MTHFD1L: variants seen among roughly 807,000 people sequenced by gnomAD.
The protein encoded by MTHFD1L is monofunctional C1-tetrahydrofolate synthase, mitochondrial.
Under a neutral mutation model 119.5 loss-of-function variants are expected in MTHFD1L, and 81 were observed. The observed-to-expected ratio is 0.68, with a 90% CI of 0.57 to 0.82. The LOEUF is 0.82. Ranked by LOEUF, MTHFD1L falls within the 40% of genes least tolerant of loss-of-function variation. MTHFD1L has a pLI of 0.00. For missense variants in MTHFD1L, 1,125 were observed against 1,253.4 expected (o/e 0.90, Z 1.55); for synonymous variants, 430 against 475.2 (o/e 0.90, Z 1.24).
In MTHFD1L at chr6:150,984,702, A is replaced by G. The variant is rs189692641; in HGVS notation, c.2125+12644A>G. Among the ~76,000 whole-genome samples, 270 of 152,350 alleles carry G rather than the reference A, an allele frequency of 1.8e-3. 1 individual carries two copies. The highest frequency in any genetic ancestry group is 6.3e-3 in the African/African-American group (263 of 41,576). The stretch of plus-strand genomic sequence containing the variant: ...TCTGTATAAGTAAAATATTTCATAA[A>G]ATTAAAAATGTTTTATAAAATTAGG... On this transcript the variant is annotated intron_variant, in intron 20 of 27. Coordinates refer to ENST00000367321, the MANE Select transcript of MTHFD1L (RefSeq NM_015440.5).
intron 4 of MTHFD1L, among the ~76,000 whole-genome samples, chr6:150,878,302 A>G (rs1780811968): frequency 1.3e-5 from 2 of 150,796 alleles, no homozygotes; most frequent in Non-Finnish European, 2.9e-5. Flanking sequence ...CCCAGGCTGG[A>G]GTGCAATGGT....
At chr6:151,025,840 A>G (rs1220933399) in intron 24 of MTHFD1L, among the ~76,000 whole-genome samples, 1 of 152,198 alleles carries the variant, frequency 6.6e-6, no homozygotes, top group Non-Finnish European at 1.5e-5. Context: ...ATGCTAGGGT[A>G]TTGAGAGTGG....
At chr6:150,996,348 C>T (rs492354) in intron 20 of MTHFD1L, among the ~76,000 whole-genome samples, 86,321 of 151,764 alleles carry the variant, frequency 0.57, 25,759 homozygotes, top group African/African-American at 0.75. Context: ...GTCATCTTTC[C>T]TTTTTTTGCA....
intron 8 of MTHFD1L, among the ~76,000 whole-genome samples, chr6:150,910,028 A>G (rs1460309445): frequency 1.3e-5 from 2 of 151,912 alleles, no homozygotes; most frequent in East Asian, 1.9e-4. Context: ...TAAAAATACA[A>G]AAGTTAGCCG....
intron 7 of MTHFD1L, among the ~76,000 whole-genome samples, chr6:150,890,008 T>C (rs1053196385): frequency 2.6e-5 from 4 of 151,936 alleles, no homozygotes; most frequent in Non-Finnish European, 5.9e-5. Context: ...AATATAAAAT[T>C]AGCTGGATGT....
At chr6:150,949,991 T>C (rs182999166) in intron 16 of MTHFD1L, among the ~76,000 whole-genome samples, 28 of 152,340 alleles carry the variant, frequency 1.8e-4, no homozygotes, top group African/African-American at 6.3e-4. Context: ...ATTATTCTTC[T>C]CATACTTGTG....
intron 26 of MTHFD1L, among the ~76,000 whole-genome samples, chr6:151,071,788 T>A (rs1193798716): frequency 3.3e-5 from 5 of 151,582 alleles, no homozygotes; most frequent in Non-Finnish European, 7.4e-5. Context: ...TTTCTACAGA[T>A]AACTTTCTTT....
At chr6:150,938,087 G>A (rs539310207) in intron 12 of MTHFD1L, among the ~76,000 whole-genome samples, 29 of 152,100 alleles carry the variant, frequency 1.9e-4, no homozygotes, top group Admixed American at 1.6e-3. Flanking sequence ...GTGCAATCTC[G>A]GCTCACTCCA....
At chr6:150,989,197 A>G (rs1192468183) in intron 20 of MTHFD1L, among the ~76,000 whole-genome samples, 1 of 152,242 alleles carries the variant, frequency 6.6e-6, no homozygotes, top group Non-Finnish European at 1.5e-5. Flanking sequence ...CTAGATCAAA[A>G]TAAAGCAGAG....
intron 1 of MTHFD1L, among the ~76,000 whole-genome samples, chr6:150,870,576 CT>C (rs1779231759): frequency 6.6e-6 from 1 of 152,036 alleles, no homozygotes; most frequent in South Asian, 2.1e-4. Flanking sequence ...TTAGACAATA[CT>C]GTAGCCTATT....
At chr6:150,961,679 G>A (rs746146076) in intron 18 of MTHFD1L, among the ~76,000 whole-genome samples, 1 of 152,154 alleles carries the variant, frequency 6.6e-6, no homozygotes, top group East Asian at 1.9e-4. Context: ...TTTTTCAGCT[G>A]CTTTTGAAGA....
At chr6:150,972,633 A>C (rs1467907361) in intron 20 of MTHFD1L, among the ~76,000 whole-genome samples, 1 of 152,230 alleles carries the variant, frequency 6.6e-6, no homozygotes, top group African/African-American at 2.4e-5. Flanking sequence ...AAATTAAAAC[A>C]ACCAGCCTTA....
chr6:150,944,192 G>A (rs187152442), intron 13 of MTHFD1L, among the ~76,000 whole-genome samples: 20 of 152,234 alleles, frequency 1.3e-4, no homozygotes, highest in Admixed American at 2.6e-4. Flanking sequence ...TTCCATAGTT[G>A]TTTAAAACAA....
chr6:150,970,978 T>C (rs1797927604), intron 19 of MTHFD1L, among the ~76,000 whole-genome samples: 1 of 152,214 alleles, frequency 6.6e-6, no homozygotes, highest in African/African-American at 2.4e-5. Flanking sequence ...ATAAAGAAGT[T>C]GGCTGCTTCG....
At chr6:151,071,837 ATTTTTT>A (rs753092094) in intron 26 of MTHFD1L, among the ~76,000 whole-genome samples, 16 of 107,510 alleles carry the variant, frequency 1.5e-4, no homozygotes, top group East Asian at 1.4e-3. Flanking sequence ...GTAAGTACAG[ATTTTTT>A]TTTTTTTTTT....
At chr6:150,937,499 GT>G (rs1037413892) in intron 12 of MTHFD1L, among the ~76,000 whole-genome samples, 39 of 152,262 alleles carry the variant, frequency 2.6e-4, no homozygotes, top group Admixed American at 1.3e-3. Flanking sequence ...TACAGTGGTG[GT>G]TATTGCTGCA....
chr6:150,948,802 A>T (rs74558879), intron 15 of MTHFD1L, among the ~76,000 whole-genome samples: 1 of 136,420 alleles, frequency 7.3e-6, no homozygotes, highest in Non-Finnish European at 1.6e-5. Context: ...CACCATGCCC[A>T]GCTAATTTTT....
intron 7 of MTHFD1L, among the ~76,000 whole-genome samples, chr6:150,893,495 T>C (rs2128800441): frequency 6.6e-6 from 1 of 152,330 alleles, no homozygotes; most frequent in East Asian, 1.9e-4. Context: ...AGCTTAGGAT[T>C]ATGGCTACTA....
At chr6:150,978,020 C>G (rs1776863989) in intron 20 of MTHFD1L, among the ~76,000 whole-genome samples, 1 of 151,800 alleles carries the variant, frequency 6.6e-6, no homozygotes, top group Admixed American at 6.6e-5. Context: ...CCTACCTCAG[C>G]CTCTTGAGTA....
Sources: allele counts gnomAD v4.1 joint callset (sites outside exome capture counted in the v4.1 genomes callset), GRCh38; gene constraint gnomAD v4.1.1; transcripts MANE v1.5; gene names NCBI Gene and HGNC (gene_info 2026-07-23, HGNC 2026-07-21).